ZNF385D: variants seen among roughly 807,000 people sequenced by gnomAD.
ZNF385D encodes the protein zinc finger protein 385D.
In ZNF385D, 15 loss-of-function variants were observed where a neutral mutation model predicts 35.8. The observed-to-expected ratio is 0.42, with a 90% CI of 0.28 to 0.64. The LOEUF is 0.64. Ranked by LOEUF, ZNF385D falls within the 30% of genes least tolerant of loss-of-function variation. The probability of loss-of-function intolerance (pLI) is 0.23; values close to 1 mark genes in which losing one functional copy is unlikely to be tolerated. For missense variants in ZNF385D, 474 were observed against 494.6 expected, an observed-to-expected ratio of 0.96 and a Z score of 0.39; for synonymous variants, 212 against 186.8, an observed-to-expected ratio of 1.13 and a Z score of -1.10.
intron 2 of ZNF385D, among the ~76,000 whole-genome samples, chr3:22,223,726 G>A (rs1412704240): frequency 6.6e-6 from 1 of 152,158 alleles, no homozygotes; most frequent in Non-Finnish European, 1.5e-5. Flanking sequence ...CCAACAACGT[G>A]TCAAGAGAAA....
chr3:22,365,120 T>C (rs1447851297), intron 2 of ZNF385D, among the ~76,000 whole-genome samples: 1 of 152,030 alleles, frequency 6.6e-6, no homozygotes, highest in Non-Finnish European at 1.5e-5. Flanking sequence ...AACTGTTTAA[T>C]GGATATAGAG....
chr3:21,558,121 T>C (rs904427039), intron 3 of ZNF385D, among the ~76,000 whole-genome samples: 1 of 151,080 alleles, frequency 6.6e-6, no homozygotes, highest in Admixed American at 6.6e-5. Flanking sequence ...ATTTTTTTTT[T>C]TTTTTTTGAA....
chr3:21,639,391 G>T (rs1182849576), intron 2 of ZNF385D, among the ~76,000 whole-genome samples: 1 of 151,928 alleles, frequency 6.6e-6, no homozygotes, highest in African/African-American at 2.4e-5. Context: ...TTTGTTGAAT[G>T]AATTGACAAA....
At chr3:21,679,676 GAGAA>G (rs1339077228) in intron 1 of ZNF385D, among the ~76,000 whole-genome samples, 1 of 152,044 alleles carries the variant, frequency 6.6e-6, no homozygotes, top group Non-Finnish European at 1.5e-5. Context: ...TGAAAAGAGA[GAGAA>G]AGAACAAAAA....
chr3:21,653,574 T>C (rs1427430296), intron 2 of ZNF385D, among the ~76,000 whole-genome samples: 1 of 152,076 alleles, frequency 6.6e-6, no homozygotes, highest in African/African-American at 2.4e-5. Flanking sequence ...ATTTTCACTA[T>C]GATTTTAGGT....
chr3:21,860,216 T>C (rs1696973309), intron 3 of ZNF385D, among the ~76,000 whole-genome samples: 2 of 152,220 alleles, frequency 1.3e-5, no homozygotes, highest in South Asian at 2.1e-4. Context: ...AAGAGACAGA[T>C]ATTAATGTTT....
chr3:22,194,085 G>A (rs1466231872), intron 2 of ZNF385D, among the ~76,000 whole-genome samples: 7 of 151,670 alleles, frequency 4.6e-5, no homozygotes, highest in Non-Finnish European at 7.4e-5. Context: ...TTATACTACC[G>A]AACTTTACAC....
At chr3:22,085,331 A>G (rs954193378) in intron 3 of ZNF385D, among the ~76,000 whole-genome samples, 11 of 152,338 alleles carry the variant, frequency 7.2e-5, no homozygotes, top group African/African-American at 2.6e-4. Flanking sequence ...ACCTCTAACA[A>G]GACTAATAAA....
At chr3:21,940,339 T>A (rs1441685689) in intron 3 of ZNF385D, among the ~76,000 whole-genome samples, 1 of 152,182 alleles carries the variant, frequency 6.6e-6, no homozygotes, top group East Asian at 1.9e-4. Context: ...GGCAAGTTGC[T>A]TACTCCCCAT....
At chr3:22,112,595 A>G (rs4858378) in intron 3 of ZNF385D, among the ~76,000 whole-genome samples, 34,951 of 152,102 alleles carry the variant, frequency 0.23, 5,008 homozygotes, top group Middle Eastern at 0.38. Flanking sequence ...ATGACTTAGT[A>G]TAAATATTTT....
chr3:22,197,546 T>C (rs576566197), intron 2 of ZNF385D, among the ~76,000 whole-genome samples: 1 of 152,236 alleles, frequency 6.6e-6, no homozygotes, highest in Admixed American at 6.6e-5. Context: ...CAGAAGACGT[T>C]TGCCTCTTCC....
rs932596665 is a variant in ZNF385D, at chr3:21,415,065, G to T, written c.*6149C>A. 1 of 151,890 alleles carries T rather than the reference G, an allele frequency of 6.6e-6. No homozygotes were observed. Among genetic ancestry groups the T allele is most frequent in the Non-Finnish European group, 1.5e-5 (1 of 67,970 alleles). 9.4% of individuals were successfully genotyped at this position (151,890 alleles called of 1,614,324 possible). A position where few individuals can be genotyped will look rare whatever the true frequency, so the allele number is the denominator to read the frequency against. Reference sequence around the variant, plus strand: ...CCAATAAAACCCATATCATTATTTTGGTTAACAAAATTTAACACACTTCAC... The same window carrying T: ...CCAATAAAACCCATATCATTATTTTTGTTAACAAAATTTAACACACTTCAC... On this transcript the variant is annotated 3_prime_UTR_variant, in exon 8 of 8. Coordinates refer to ENST00000281523, the MANE Select transcript of ZNF385D (RefSeq NM_024697.3).
At chr3:22,175,806 CAT>C (rs1271469827) in intron 2 of ZNF385D, among the ~76,000 whole-genome samples, 4 of 150,368 alleles carry the variant, frequency 2.7e-5, no homozygotes, top group Non-Finnish European at 5.9e-5. Context: ...ATTTGGAATA[CAT>C]ATATATATAA....
chr3:22,079,118 AATGAGT>A (rs1700612698), intron 3 of ZNF385D, among the ~76,000 whole-genome samples: 1 of 152,064 alleles, frequency 6.6e-6, no homozygotes, highest in African/African-American at 2.4e-5. Context: ...GAATAAACAG[AATGAGT>A]ATAAGTGTCA....
chr3:21,828,157 G>A (rs2630815), intron 3 of ZNF385D, among the ~76,000 whole-genome samples: 118,708 of 152,122 alleles, frequency 0.78, 46,685 homozygotes, highest in African/African-American at 0.86. Context: ...CGCAGACTAG[G>A]GTTGGTTATA....
intron 3 of ZNF385D, among the ~76,000 whole-genome samples, chr3:21,798,485 G>C (rs956698722): frequency 3.3e-5 from 5 of 152,178 alleles, no homozygotes; most frequent in African/African-American, 1.2e-4. Context: ...CAGCATGGAA[G>C]CTTGCTTCTT....
At chr3:21,739,826 T>C (rs2069424448) in intron 1 of ZNF385D, among the ~76,000 whole-genome samples, 1 of 152,238 alleles carries the variant, frequency 6.6e-6, no homozygotes, top group Non-Finnish European at 1.5e-5. Context: ...CAATAACCAC[T>C]GTGAACATTT....
intron 3 of ZNF385D, among the ~76,000 whole-genome samples, chr3:22,113,214 T>A (rs1702633007): frequency 6.6e-6 from 1 of 152,116 alleles, no homozygotes; most frequent in Non-Finnish European, 1.5e-5. Context: ...TGCTGCTATT[T>A]GCTACTCCTG....
chr3:21,968,175 C>T (rs1703017637), intron 3 of ZNF385D, among the ~76,000 whole-genome samples: 2 of 152,074 alleles, frequency 1.3e-5, no homozygotes, highest in Non-Finnish European at 2.9e-5. Flanking sequence ...AAAGCAACAT[C>T]GGGTGGAACG....
Sources: allele counts gnomAD v4.1 joint callset (sites outside exome capture counted in the v4.1 genomes callset), GRCh38; gene constraint gnomAD v4.1.1; transcripts MANE v1.5; gene names NCBI Gene and HGNC (gene_info 2026-07-23, HGNC 2026-07-21).